The following RD3 variants were observed in gnomAD, a reference collection of about 807,000 sequenced individuals.
RD3 encodes RD3 regulator of GUCY2D, also known as protein RD3.
RD3 carries 11 observed loss-of-function variants against 16.9 expected under a neutral mutation model. That is an observed-to-expected ratio of 0.65 (90% CI 0.41 to 1.08). The LOEUF (loss-of-function observed/expected upper bound fraction) is 1.08, where lower values mean the gene tolerates loss of function less well. Ranked by LOEUF, RD3 falls within the 50% of genes least tolerant of loss-of-function variation. The pLI, the probability that RD3 is intolerant of heterozygous loss-of-function variation, is 0.00. For missense variants in RD3, 274 were observed against 267.4 expected, an observed-to-expected ratio of 1.02 and a Z score of -0.17; for synonymous variants, 116 against 114.8, an observed-to-expected ratio of 1.01 and a Z score of -0.07.
intron 1 of RD3, among the ~76,000 whole-genome samples, chr1:211,485,807 A>G (rs1224101735): frequency 6.6e-6 from 1 of 152,174 alleles, no homozygotes; most frequent in Non-Finnish European, 1.5e-5. Flanking sequence ...CCACTCAGTC[A>G]AAGGCACTTA....
intron 1 of RD3, among the ~76,000 whole-genome samples, chr1:211,482,371 G>T (rs1434698183): frequency 2.6e-5 from 4 of 151,946 alleles, no homozygotes; most frequent in African/African-American, 9.7e-5. Flanking sequence ...TCCAGGAGAG[G>T]CAAGATTTGT....
chr1:211,483,694 T>C (rs1237355003), intron 1 of RD3, among the ~76,000 whole-genome samples: 1 of 132,294 alleles, frequency 7.6e-6, no homozygotes, highest in Non-Finnish European at 1.6e-5. Context: ...GGGGTGGGAG[T>C]GCAGGGGTGG....
rs1429965829 is a variant in RD3 at position 211,478,935 on chromosome 1, G to T, written c.*101C>A. 2.6e-6 allele frequency: 3 copies of T among 1,156,042 alleles called. No individual in the cohort carries two copies. Among genetic ancestry groups the T allele is most frequent in the South Asian group, 1.6e-5 (1 of 61,972 alleles). The allele number at this position is 1,156,042 out of a possible 1,614,324, so 71.6% of individuals were successfully genotyped here. ...ATGGGGCCGCCTCTTGGGTCTCCTC[G>T]TCAGGCCTAGGTGGGGAGGTTCCAG... On this transcript the variant is annotated 3_prime_UTR_variant, in exon 3 of 3. Coordinates refer to ENST00000680073, the MANE Select transcript of RD3 (RefSeq NM_001164688.2).
intron 2 of RD3, among the ~76,000 whole-genome samples, chr1:211,479,991 A>T (rs1181751411): frequency 1.3e-5 from 2 of 152,198 alleles, no homozygotes; most frequent in African/African-American, 4.8e-5. Context: ...TTCCTCCACC[A>T]GATTGAGAGT....
rs985845709 is a variant in RD3, at chr1:211,477,052, C to G, written c.*1984G>C. ...TTCTGCTTGTTCCAAAACTCTTTTA[C>G]GCCAGTTGTTCTTATTGTTATGATT... On this transcript the variant is annotated 3_prime_UTR_variant, in exon 3 of 3. Transcript: ENST00000680073. 1 of 152,006 alleles carries G rather than the reference C, an allele frequency of 6.6e-6. No individual in the cohort carries two copies. Among genetic ancestry groups the G allele is most frequent in the African/African-American group, 2.4e-5 (1 of 41,398 alleles). 9.4% of individuals were successfully genotyped at this position (152,006 alleles called of 1,614,324 possible).
Position 211,477,161 on chromosome 1 carries a change from A to C in RD3, c.*1875T>G, listed in dbSNP as rs1178016114. ...ACAAAAAAGCACAGCTTGGACCCAC[A>C]TCAAAAGTTTGGCAGCCAGGCACAG... On this transcript the variant is annotated 3_prime_UTR_variant, in exon 3 of 3. Transcript: ENST00000680073. 1 of 152,214 alleles carries C rather than the reference A, an allele frequency of 6.6e-6. No homozygotes were observed. Among genetic ancestry groups the C allele is most frequent in the African/African-American group, 2.4e-5 (1 of 41,436 alleles). The allele number at this position is 152,214 out of a possible 1,614,324, so 9.4% of individuals were successfully genotyped here.
intron 1 of RD3, among the ~76,000 whole-genome samples, chr1:211,481,933 A>G (rs1705274526): frequency 6.6e-6 from 1 of 152,172 alleles, no homozygotes; most frequent in Non-Finnish European, 1.5e-5. Context: ...TTAGAACTCT[A>G]TGGGGTTGGC....
At chr1:211,488,098 T>C (rs1705412901) in intron 1 of RD3, among the ~76,000 whole-genome samples, 1 of 152,188 alleles carries the variant, frequency 6.6e-6, no homozygotes, top group Admixed American at 6.5e-5. Context: ...AAAATGGTGT[T>C]CAGACACCAG....
intron 1 of RD3, among the ~76,000 whole-genome samples, chr1:211,487,901 G>A (rs889513984): frequency 6.6e-6 from 1 of 152,216 alleles, no homozygotes; most frequent in African/African-American, 2.4e-5. Context: ...GTACACTCAA[G>A]AGAGGGGGGA....
At chr1:211,482,089 G>A (rs1040363563) in intron 1 of RD3, among the ~76,000 whole-genome samples, 3 of 152,052 alleles carry the variant, frequency 2.0e-5, no homozygotes, top group Non-Finnish European at 4.4e-5. Flanking sequence ...AGATGTGGTG[G>A]TGCATGCCTG....
Position 211,481,148 on chromosome 1 carries a change from G to A in RD3, c.268C>T (p.Pro90Ser). ...QLEDVCVKIH[P>S]SYCGPAILRF... ...AGGATAGCAGGCCCACAATAGGATG[G>A]GTGGATCTTAACGCAGACATCTTCC... is the stretch of plus-strand genomic sequence containing the variant. Residue 90 changes from proline to serine, a missense_variant, in exon 2 of 3, where the codon CCA (proline) becomes TCA (serine). Coordinates refer to ENST00000680073, the MANE Select transcript of RD3 (RefSeq NM_001164688.2). 1 of 1,614,248 alleles carries A rather than the reference G, an allele frequency of 6.2e-7. No homozygotes were observed.
chr1:211,488,005 G>C (rs747835924), intron 1 of RD3, among the ~76,000 whole-genome samples: 8 of 152,230 alleles, frequency 5.3e-5, no homozygotes, highest in Non-Finnish European at 1.2e-4. Context: ...GCAGTGCAGG[G>C]TGTGCCCAGG....
chr1:211,478,885 C>CGTGA lies in RD3; in HGVS notation c.*150_*151insTCAC. The CGTGA allele has an allele frequency of 2.8e-6, 2 of 707,988 alleles. No homozygotes were observed. The highest frequency in any genetic ancestry group is 2.3e-6 in the Non-Finnish European group (1 of 438,852). The allele number at this position is 707,988 out of a possible 1,614,324, so 43.9% of individuals were successfully genotyped here. A position where few individuals can be genotyped will look rare whatever the true frequency, so the allele number is the denominator to read the frequency against. ...AGGAAGAGGATGGGGCAGGGAGTCGCTTCATTTTATAGCAGCGTCTTGGGA... is the reference window on the plus strand; with the variant it reads ...AGGAAGAGGATGGGGCAGGGAGTCGCGTGATTCATTTTATAGCAGCGTCTTGGGA... On this transcript the variant is annotated 3_prime_UTR_variant, in exon 3 of 3. Transcript: ENST00000680073.
In RD3 at chr1:211,479,081, C is replaced by T; in HGVS notation, c.543G>A (p.Leu181=). 6.2e-7 allele frequency: 1 copy of T among 1,610,780 alleles called. No individual in the cohort carries two copies. The highest frequency in any genetic ancestry group is 8.5e-7 in the Non-Finnish European group (1 of 1,179,346). Residue 181 remains leucine (L), a synonymous_variant, in exon 3 of 3, where the codon CTG becomes CTA. Transcript: ENST00000680073. ...EDVERDTPPP[L]RSWSMPEFRA... is the part of the protein sequence containing the mutation. ...GGAATTCGGGCATGCTCCAGGACCG[C>T]AGTGGCGGCGGTGTGTCCCGCTCCA...
chr1:211,489,881 C>G (rs1400177840), intron 1 of RD3, among the ~76,000 whole-genome samples: 1 of 152,150 alleles, frequency 6.6e-6, no homozygotes, highest in South Asian at 2.1e-4. Context: ...GGGAAGCCCT[C>G]GCACGTTCTG....
intron 1 of RD3, among the ~76,000 whole-genome samples, chr1:211,487,633 T>A (rs889671682): frequency 1.3e-5 from 2 of 152,234 alleles, no homozygotes; most frequent in Admixed American, 1.3e-4. Context: ...CCTTCCTGAT[T>A]CACTCTACCT....
chr1:211,481,282 C>G lies in RD3; in HGVS notation c.134G>C (p.Arg45Pro). ...GQMREAERQQ[R>P]ERSNAVRKVC... ...CTTTCTGACCGCATTGCTGCGCTCC[C>G]GCTGCTGCCTCTCAGCCTCTCGCAT... The change falls in exon 2 of 3, where the codon CGG (arginine) becomes CCG (proline). Residue 45 changes from arginine (R) to proline (P), a missense_variant. Physicochemically the swap from Arg to Pro is moderately radical, Grantham distance 103. Transcript: ENST00000680073. 6.2e-7 allele frequency: 1 copy of G among 1,614,262 alleles called. No homozygotes were observed. Among genetic ancestry groups the G allele is most frequent in the South Asian group, 1.1e-5 (1 of 91,090 alleles).
At position 211,479,115 on chromosome 1, in the gene RD3, G is replaced by A. The variant is rs776821754; in HGVS notation, c.509C>T (p.Ser170Phe). Reference sequence around the variant, plus strand: ...CGGTGTGTCCCGCTCCACGTCCTCGGAGATGGTCCTGATGTCGCTGGCGAA... The same window carrying A: ...CGGTGTGTCCCGCTCCACGTCCTCGAAGATGGTCCTGATGTCGCTGGCGAA... ...SPFASDIRTI[S>F]EDVERDTPPP... Residue 170 changes from serine (S) to phenylalanine (F), a missense_variant, in exon 3 of 3, where the codon TCC (serine) becomes TTC (phenylalanine). By Grantham distance (155) the Ser-to-Phe change is radical. Coordinates refer to ENST00000680073, the MANE Select transcript of RD3 (RefSeq NM_001164688.2). 50 of 1,612,280 alleles carry A rather than the reference G, an allele frequency of 3.1e-5. No homozygotes were observed. The Middle Eastern group carries it at 4.9e-4, about 16-fold the overall frequency.
At position 211,479,153 on chromosome 1, in the gene RD3, C is replaced by T. The variant is rs1426889970; in HGVS notation, c.471G>A (p.Ala157=). The stretch of plus-strand genomic sequence containing the variant: ...TGTCGCTGGCGAAGGGCGAGATGCG[C>T]GCGCGGGTCTTGAAGGTGGCCAGGC... ...RGSLATFKTR[A]RISPFASDIR... The change falls in exon 3 of 3, where the codon GCG becomes GCA. Residue 157 remains alanine (A), a synonymous_variant. Transcript: ENST00000680073. 1.2e-6 allele frequency: 2 copies of T among 1,612,706 alleles called. No individual in the cohort carries two copies. Among genetic ancestry groups the T allele is most frequent in the African/African-American group, 2.7e-5 (2 of 74,922 alleles).
Sources: gnomAD v4.1 joint callset for allele counts (sites outside exome capture counted in the v4.1 genomes callset) on GRCh38, gnomAD v4.1.1 for gene constraint, MANE v1.5 for transcripts, NCBI Gene and HGNC (gene_info 2026-07-23, HGNC 2026-07-21) for gene names.